The following UST variants were observed in gnomAD, a reference collection of about 807,000 sequenced individuals.
UST encodes chondroitin sulfate 2-O-sulfotransferase.
UST carries 21 observed loss-of-function variants against 45.6 expected under a neutral mutation model. The ratio of observed to expected loss-of-function variants is 0.46; its 90% CI spans 0.33 to 0.66. The LOEUF (loss-of-function observed/expected upper bound fraction) is 0.66. Among genes scored for constraint, UST ranks in the 30% least tolerant of loss-of-function variants. UST has a pLI of 0.02. For synonymous variants in UST, 215 were observed against 200.6 expected (o/e 1.07, Z -0.61); for missense variants, 463 against 512.4 (o/e 0.90, Z 0.93).
chr6:148,775,797 T>G (rs1582803818), intron 1 of UST, among the ~76,000 whole-genome samples: 1 of 151,968 alleles, frequency 6.6e-6, no homozygotes, highest in South Asian at 2.1e-4. Context: ...CCAGCTAATT[T>G]TTTTTGAAAT....
intron 1 of UST, among the ~76,000 whole-genome samples, chr6:148,766,846 G>A (rs1048950493): frequency 6.6e-6 from 1 of 152,252 alleles, no homozygotes; most frequent in Non-Finnish European, 1.5e-5. Flanking sequence ...CAGATACAGG[G>A]TCGGAGAGTT....
intron 1 of UST, among the ~76,000 whole-genome samples, chr6:148,875,531 G>A (rs1018472729): frequency 1.5e-4 from 23 of 152,300 alleles, no homozygotes; most frequent in Non-Finnish European, 3.1e-4. Flanking sequence ...GGCTGGGTGC[G>A]GTGGCTCACG....
At chr6:149,044,051 GA>G (rs1275969982) in intron 7 of UST, among the ~76,000 whole-genome samples, 1 of 152,172 alleles carries the variant, frequency 6.6e-6, no homozygotes, top group Non-Finnish European at 1.5e-5. Context: ...TGTTAAAATA[GA>G]GTTTCACAGC....
intron 1 of UST, among the ~76,000 whole-genome samples, chr6:148,805,379 C>T (rs1777128326): frequency 6.6e-6 from 1 of 152,134 alleles, no homozygotes; most frequent in South Asian, 2.1e-4. Context: ...ATTCCATGAT[C>T]AACTATCCAA....
intron 5 of UST, among the ~76,000 whole-genome samples, chr6:149,006,780 TC>T (rs1332761155): frequency 2.0e-5 from 3 of 152,230 alleles, no homozygotes; most frequent in Non-Finnish European, 2.9e-5. Context: ...TTTTTAATAA[TC>T]GCCATTCTGA....
At chr6:148,773,832 A>G (rs56234645) in intron 1 of UST, among the ~76,000 whole-genome samples, 64,841 of 152,066 alleles carry the variant, frequency 0.43, 14,055 homozygotes, top group Non-Finnish European at 0.45. Context: ...TTCCAGCGGG[A>G]TGGGCGTTGA....
intron 1 of UST, among the ~76,000 whole-genome samples, chr6:148,850,450 C>G (rs759424501): frequency 6.6e-6 from 1 of 152,144 alleles, no homozygotes; most frequent in Non-Finnish European, 1.5e-5. Context: ...GCAAACTAAT[C>G]AAAAAAGCAC....
chr6:149,068,695 G>A (rs1275332965), intron 7 of UST, among the ~76,000 whole-genome samples: 1 of 152,158 alleles, frequency 6.6e-6, no homozygotes, highest in Non-Finnish European at 1.5e-5. Flanking sequence ...AAATCAGGGT[G>A]TTTAGGGTAT....
intron 1 of UST, among the ~76,000 whole-genome samples, chr6:148,801,282 G>A (rs1161998237): frequency 6.6e-6 from 1 of 151,980 alleles, no homozygotes; most frequent in Non-Finnish European, 1.5e-5. Context: ...CTTCATCTGT[G>A]GGATTTCATG....
chr6:149,049,806 C>A (rs192508562), intron 7 of UST, among the ~76,000 whole-genome samples: 3 of 152,014 alleles, frequency 2.0e-5, no homozygotes, highest in Admixed American at 2.0e-4. Context: ...CCTTTACCAG[C>A]CCCTCTCTCT....
intron 5 of UST, chr6:149,005,722 C>G: frequency 1.5e-6 from 1 of 662,562 alleles, no homozygotes; most frequent in Non-Finnish European, 1.9e-6. Context: ...TTTATTTATT[C>G]TTCTGTGTGC....
chr6:148,892,013 G>A (rs35946167), intron 2 of UST, among the ~76,000 whole-genome samples: 32,102 of 152,020 alleles, frequency 0.21, 4,139 homozygotes, highest in African/African-American at 0.35. Flanking sequence ...AGGATGGTCC[G>A]GGTTCTTTTC....
chr6:149,069,494 A>C (rs1360364317), intron 7 of UST, among the ~76,000 whole-genome samples: 1 of 152,154 alleles, frequency 6.6e-6, no homozygotes, highest in Non-Finnish European at 1.5e-5. Flanking sequence ...GATGATTAGC[A>C]TGTTGAGTTT....
chr6:149,025,858 A>G (rs549490767), intron 7 of UST, among the ~76,000 whole-genome samples: 3 of 150,580 alleles, frequency 2.0e-5, no homozygotes, highest in East Asian at 3.9e-4. Flanking sequence ...TAAAAATACA[A>G]AAAAAAAAGT....
At position 149,047,466 on chromosome 6, in the gene UST, T is replaced by G. The variant is rs540368608; in HGVS notation, c.937+25985T>G. ...ATTAGTCAGAGTCAAGGAAACACAT[T>G]TTCATAATCATTTATGGAGCATTTC... On this transcript the variant is annotated intron_variant, in intron 7 of 7. Coordinates refer to ENST00000367463, the MANE Select transcript of UST (RefSeq NM_005715.3). 5.3e-5 allele frequency among the ~76,000 whole-genome samples: 8 copies of G among 152,316 alleles called. No homozygotes were observed. The East Asian group carries it at 1.5e-3, about 29-fold the overall frequency.
At chr6:148,772,448 A>G (rs1290772161) in intron 1 of UST, among the ~76,000 whole-genome samples, 6 of 141,254 alleles carry the variant, frequency 4.2e-5, no homozygotes, top group Admixed American at 7.1e-5. Context: ...TTTGAGTTGG[A>G]GTCTTGCTGT....
intron 5 of UST, among the ~76,000 whole-genome samples, chr6:148,992,417 C>T (rs953798227): frequency 6.6e-6 from 1 of 152,208 alleles, no homozygotes. Context: ...TGCAGTGAGC[C>T]GAGATCGCGC....
At chr6:148,912,937 G>A (rs1779504880) in intron 2 of UST, among the ~76,000 whole-genome samples, 1 of 152,106 alleles carries the variant, frequency 6.6e-6, no homozygotes, top group African/African-American at 2.4e-5. Flanking sequence ...AAATCCACTG[G>A]GAATCTTGTG....
At chr6:149,029,582 T>C (rs183610111) in intron 7 of UST, among the ~76,000 whole-genome samples, 2 of 151,206 alleles carry the variant, frequency 1.3e-5, no homozygotes, top group African/African-American at 4.8e-5. Context: ...AAATTCTCTC[T>C]TTCATTTTTA....
Sources: allele counts gnomAD v4.1 joint callset (sites outside exome capture counted in the v4.1 genomes callset), GRCh38; gene constraint gnomAD v4.1.1; transcripts MANE v1.5; gene names NCBI Gene and HGNC (gene_info 2026-07-23, HGNC 2026-07-21).